Variants in ERICH6B observed in about 807,000 individuals in gnomAD.
ERICH6B encodes the protein glutamate rich 6B.
A neutral mutation model predicts 80.0 loss-of-function variants in ERICH6B; 69 were observed. That is an observed-to-expected ratio of 0.86 (90% confidence interval 0.71 to 1.05). ERICH6B has a LOEUF of 1.05. Among genes scored for constraint, ERICH6B ranks in the 50% least tolerant of loss-of-function variants. The pLI is 0.00. For missense variants in ERICH6B, 754 were observed against 796.1 expected, an observed-to-expected ratio of 0.95 and a Z score of 0.64; for synonymous variants, 283 against 291.9, an observed-to-expected ratio of 0.97 and a Z score of 0.31.
At chr13:45,582,825 A>G (rs1238068799) in intron 5 of ERICH6B, among the ~76,000 whole-genome samples, 2 of 152,222 alleles carry the variant, frequency 1.3e-5, no homozygotes, top group Non-Finnish European at 2.9e-5. Context: ...ATTTCGCCCT[A>G]TGGGGTTTCC....
chr13:45,574,807 CT>C lies in ERICH6B; in HGVS notation c.1050+34del, dbSNP rs775635999. 1.3e-3 allele frequency: 1,945 copies of C among 1,472,412 alleles called. 15 individuals are homozygous for C. In the African/African-American group the frequency reaches 0.026, roughly 20 times the overall value. The allele number at this position is 1,472,412 out of a possible 1,614,324, so 91.2% of individuals were successfully genotyped here. On this transcript the variant is annotated intron_variant, in intron 8 of 14. Transcript: ENST00000298738. ...TGGGCCACCCTACATTTGGAGGAAG[CT>C]GGGGGGGGGGTCTCAAGTTTTTATC...
chr13:45,549,199 G>C (rs1371245900), intron 13 of ERICH6B, among the ~76,000 whole-genome samples: 5 of 151,922 alleles, frequency 3.3e-5, no homozygotes, highest in Non-Finnish European at 5.9e-5. Flanking sequence ...CAGGAGAATT[G>C]CTTGAACCGG....
intron 13 of ERICH6B, among the ~76,000 whole-genome samples, chr13:45,547,798 G>A (rs911315413): frequency 3.9e-5 from 6 of 152,106 alleles, no homozygotes; most frequent in African/African-American, 1.4e-4. Flanking sequence ...TATGTTTGGT[G>A]ATCTCTCTTG....
At chr13:45,594,418 G>T (rs768788770) in intron 3 of ERICH6B, among the ~76,000 whole-genome samples, 9 of 152,202 alleles carry the variant, frequency 5.9e-5, no homozygotes, top group African/African-American at 4.8e-5. Flanking sequence ...CCAGCACATA[G>T]AGGGGACATG....
chr13:45,559,622 T>C (rs984896421), intron 11 of ERICH6B, among the ~76,000 whole-genome samples: 1 of 152,168 alleles, frequency 6.6e-6, no homozygotes, highest in Non-Finnish European at 1.5e-5. Context: ...CTAAAAATTT[T>C]TAAATTTCCA....
At chr13:45,606,503 G>GTATGTA (rs1168252497) in intron 2 of ERICH6B, among the ~76,000 whole-genome samples, 1 of 32,780 alleles carries the variant, frequency 3.1e-5, no homozygotes, top group African/African-American at 1.7e-4. Flanking sequence ...AAAAGTGTAT[G>GTATGTA]TGTATATATA....
At chr13:45,606,570 TG>T (rs1181969670) in intron 2 of ERICH6B, among the ~76,000 whole-genome samples, 4 of 84,716 alleles carry the variant, frequency 4.7e-5, no homozygotes, top group South Asian at 4.5e-4. Context: ...TTTTTTTTTT[TG>T]GAGACAGAGT....
At chr13:45,615,598 G>A (rs1336772269) in intron 1 of ERICH6B, 87 bp downstream of exon 1, 1 of 152,626 alleles carries the variant, frequency 6.6e-6, no homozygotes, top group Non-Finnish European at 1.5e-5. Context: ...CAGAGAAGGA[G>A]GGGGAAGAGG....
At chr13:45,554,926 A>C (rs918291659) in intron 11 of ERICH6B, among the ~76,000 whole-genome samples, 2 of 152,226 alleles carry the variant, frequency 1.3e-5, no homozygotes, top group African/African-American at 4.8e-5. Context: ...TTTGTAAAAC[A>C]AACAAACAAA....
At chr13:45,561,264 A>T in intron 11 of ERICH6B, 105 bp downstream of exon 11, 1 of 1,172,872 alleles carries the variant, frequency 8.5e-7, no homozygotes, top group Non-Finnish European at 1.2e-6. Context: ...TTGTGTTTAC[A>T]TTGTGTGTTG....
intron 14 of ERICH6B, among the ~76,000 whole-genome samples, chr13:45,544,555 C>G (rs899411811): frequency 1.3e-5 from 2 of 152,192 alleles, no homozygotes; most frequent in Non-Finnish European, 2.9e-5. Flanking sequence ...TTCCTCAGAT[C>G]CTAAGCTCAC....
chr13:45,547,413 C>T (rs1199868477), intron 13 of ERICH6B, among the ~76,000 whole-genome samples: 1 of 152,100 alleles, frequency 6.6e-6, no homozygotes, highest in Non-Finnish European at 1.5e-5. Flanking sequence ...AATAAAAGCC[C>T]CTCACTCAAG....
intron 11 of ERICH6B, among the ~76,000 whole-genome samples, chr13:45,556,725 T>A (rs938071171): frequency 1.3e-5 from 2 of 152,166 alleles, no homozygotes; most frequent in African/African-American, 4.8e-5. Flanking sequence ...GCAAATACCA[T>A]TAATTCGTTC....
Position 45,581,577 on chromosome 13 carries a change from G to A in ERICH6B, c.857-912C>T, listed in dbSNP as rs552659997. Among the ~76,000 whole-genome samples the A allele has an allele frequency of 5.1e-4, 78 of 152,254 alleles. 1 individual carries two copies. The highest frequency in any genetic ancestry group is 1.6e-3 in the African/African-American group (65 of 41,570). On this transcript the variant is annotated intron_variant, in intron 5 of 14. Coordinates refer to ENST00000298738, the MANE Select transcript of ERICH6B (RefSeq NM_182542.3). ...TTTTTAGTAGAGGCAGAGTTTTGCC[G>A]TGTTGGCCAGTCTGGTCTCGAACTC...
At chr13:45,569,792 G>T (rs557705689) in intron 8 of ERICH6B, among the ~76,000 whole-genome samples, 1 of 152,284 alleles carries the variant, frequency 6.6e-6, no homozygotes, top group South Asian at 2.1e-4. Context: ...CTTTAGGTCC[G>T]ACTTGCCTGA....
intron 9 of ERICH6B, among the ~76,000 whole-genome samples, chr13:45,566,306 C>G (rs1874910594): frequency 6.6e-6 from 1 of 152,214 alleles, no homozygotes; most frequent in Non-Finnish European, 1.5e-5. Context: ...AGAAGAAAAT[C>G]AAGCCAGCTG....
chr13:45,543,207 C>T (rs1873857242), intron 14 of ERICH6B, among the ~76,000 whole-genome samples: 1 of 151,994 alleles, frequency 6.6e-6, no homozygotes, highest in Admixed American at 6.5e-5. Context: ...GCCAAGGACA[C>T]CCTCATTCCT....
At chr13:45,561,283 A>G (rs1352843232) in intron 11 of ERICH6B, 86 bp downstream of exon 11, 7 of 1,324,406 alleles carry the variant, frequency 5.3e-6, no homozygotes, top group Non-Finnish European at 7.2e-6. Flanking sequence ...TGTTCCTTAC[A>G]GCTCTCTGGT....
At chr13:45,595,085 C>T (rs1189783565) in intron 3 of ERICH6B, among the ~76,000 whole-genome samples, 1 of 152,230 alleles carries the variant, frequency 6.6e-6, no homozygotes, top group African/African-American at 2.4e-5. Flanking sequence ...AAGTCAAATA[C>T]TTACCCACAG....
Sources: gnomAD v4.1 joint callset for allele counts (sites outside exome capture counted in the v4.1 genomes callset) on GRCh38, gnomAD v4.1.1 for gene constraint, MANE v1.5 for transcripts, NCBI Gene and HGNC (gene_info 2026-07-23, HGNC 2026-07-21) for gene names.